MAN1A2: variants seen among roughly 807,000 people sequenced by gnomAD.
The protein encoded by MAN1A2 is mannosyl-oligosaccharide 1,2-alpha-mannosidase IB.
A neutral mutation model predicts 75.7 loss-of-function variants in MAN1A2; 26 were observed. The observed-to-expected ratio is 0.34, with a 90% CI of 0.25 to 0.48. The LOEUF is 0.48. Ranked by LOEUF, MAN1A2 falls within the 20% of genes least tolerant of loss-of-function variation. MAN1A2 has a pLI of 0.99. For synonymous variants in MAN1A2, 247 were observed against 264.6 expected (o/e 0.93, Z 0.65); for missense variants, 562 against 775.5 (o/e 0.72, Z 3.27).
rs571389921 is a variant in MAN1A2, at chr1:117,485,106, A to G, written c.1169-8041A>G. On this transcript the variant is annotated intron_variant, in intron 8 of 12. Transcript: ENST00000356554. ...CTATGTAAAATCATCTTGAATAACA[A>G]AGTGGTTATAAACTTACAAGTTCCA... 1.5e-3 allele frequency among the ~76,000 whole-genome samples: 234 copies of G among 152,122 alleles called. 3 individuals carry two copies. The highest frequency in any genetic ancestry group is 0.01 in the Middle Eastern group (3 of 294).
intron 6 of MAN1A2, among the ~76,000 whole-genome samples, chr1:117,447,089 C>G (rs1253546607): frequency 6.6e-6 from 1 of 152,034 alleles, no homozygotes; most frequent in African/African-American, 2.4e-5. Flanking sequence ...TTTATGCTTA[C>G]TGTTTTCATG....
intron 1 of MAN1A2, among the ~76,000 whole-genome samples, chr1:117,370,122 T>C (rs760573673): frequency 5.3e-5 from 8 of 152,264 alleles, no homozygotes; most frequent in Non-Finnish European, 1.2e-4. Context: ...TTCACATTTT[T>C]AACAGTCTGT....
intron 1 of MAN1A2, among the ~76,000 whole-genome samples, chr1:117,385,274 T>C (rs1325576824): frequency 6.6e-6 from 1 of 152,158 alleles, no homozygotes; most frequent in Non-Finnish European, 1.5e-5. Flanking sequence ...AGACAAGCTC[T>C]CTTCACCTGT....
intron 7 of MAN1A2, among the ~76,000 whole-genome samples, chr1:117,461,780 A>T (rs1649830653): frequency 6.6e-6 from 1 of 152,174 alleles, no homozygotes; most frequent in African/African-American, 2.4e-5. Context: ...ACAATATCAT[A>T]AAAATTTCAG....
chr1:117,491,819 C>T (rs998965350), intron 8 of MAN1A2, among the ~76,000 whole-genome samples: 3 of 151,968 alleles, frequency 2.0e-5, no homozygotes, highest in African/African-American at 7.2e-5. Flanking sequence ...TTCCAGTCCT[C>T]ATGGGTGATT....
intron 7 of MAN1A2, among the ~76,000 whole-genome samples, chr1:117,461,333 T>C (rs778798201): frequency 5.3e-5 from 8 of 152,184 alleles, no homozygotes; most frequent in Non-Finnish European, 7.4e-5. Context: ...CTCATTCATA[T>C]GTGGGAGCTA....
intron 1 of MAN1A2, among the ~76,000 whole-genome samples, chr1:117,372,147 T>C (rs1652984056): frequency 6.6e-6 from 1 of 152,130 alleles, no homozygotes; most frequent in Admixed American, 6.5e-5. Context: ...AAATAATCAC[T>C]TTGGTTGCAA....
At chr1:117,380,326 G>A (rs554184415) in intron 1 of MAN1A2, among the ~76,000 whole-genome samples, 2 of 152,178 alleles carry the variant, frequency 1.3e-5, no homozygotes, top group Admixed American at 1.3e-4. Flanking sequence ...CTTTTAAATT[G>A]GTGGTTATGT....
chr1:117,526,420 A>G lies in MAN1A2; in HGVS notation c.*3463A>G, dbSNP rs184402782. 9.9e-5 allele frequency: 15 copies of G among 151,910 alleles called. No individual in the cohort carries two copies. Among genetic ancestry groups the G allele is most frequent in the Admixed American group, 9.9e-4 (15 of 15,216 alleles). The allele number at this position is 151,910 out of a possible 1,614,324, so 9.4% of individuals were successfully genotyped here. Reference sequence around the variant, plus strand: ...AGGAAAAAGAAAAGGTTTATAATATATTTTAAAACAATGTGTTACTGTATA... The same window carrying G: ...AGGAAAAAGAAAAGGTTTATAATATGTTTTAAAACAATGTGTTACTGTATA... On this transcript the variant is annotated 3_prime_UTR_variant, in exon 13 of 13. Coordinates refer to ENST00000356554, the MANE Select transcript of MAN1A2 (RefSeq NM_006699.5).
intron 5 of MAN1A2, among the ~76,000 whole-genome samples, chr1:117,431,017 G>C (rs1262314728): frequency 7.8e-6 from 1 of 128,950 alleles, no homozygotes; most frequent in Non-Finnish European, 1.7e-5. Flanking sequence ...AGACCGGCCC[G>C]GCCAACACAG....
At chr1:117,454,197 A>T (rs1649509047) in intron 6 of MAN1A2, among the ~76,000 whole-genome samples, 1 of 152,210 alleles carries the variant, frequency 6.6e-6, no homozygotes, top group South Asian at 2.1e-4. Flanking sequence ...GTAGTCTGTA[A>T]CCAGGCCCAT....
chr1:117,421,918 T>C (rs780213682), intron 5 of MAN1A2, among the ~76,000 whole-genome samples: 2 of 152,116 alleles, frequency 1.3e-5, no homozygotes, highest in Non-Finnish European at 1.5e-5. Flanking sequence ...GGGTTTAGCG[T>C]GGAGACCATT....
chr1:117,432,202 A>G (rs887368940), intron 5 of MAN1A2, among the ~76,000 whole-genome samples: 2 of 152,266 alleles, frequency 1.3e-5, no homozygotes, highest in African/African-American at 2.4e-5. Context: ...CAATAGCAGG[A>G]GTAAATGGTA....
In MAN1A2 at chr1:117,527,304, C is replaced by T. The variant is rs1652056781; in HGVS notation, c.*4347C>T. On this transcript the variant is annotated 3_prime_UTR_variant, in exon 13 of 13. Coordinates refer to ENST00000356554, the MANE Select transcript of MAN1A2 (RefSeq NM_006699.5). ...GTAAAGAATGGGCGTAGCTATGTTC[C>T]AGGAAAACTTTATTTACAAAAGCAG... The T allele has an allele frequency of 1.3e-5, 2 of 151,826 alleles. No homozygotes were observed. The highest frequency in any genetic ancestry group is 4.8e-5 in the African/African-American group (2 of 41,370). The allele number at this position is 151,826 out of a possible 1,614,324, so 9.4% of individuals were successfully genotyped here.
intron 12 of MAN1A2, 120 bp downstream of exon 12, chr1:117,503,090 T>C: frequency 3.8e-6 from 2 of 531,352 alleles, no homozygotes; most frequent in Non-Finnish European, 6.5e-6. Flanking sequence ...TATCTTTTTA[T>C]GTAATTGGGT....
At chr1:117,411,983 GGT>G (rs1407328640) in intron 3 of MAN1A2, among the ~76,000 whole-genome samples, 1 of 151,660 alleles carries the variant, frequency 6.6e-6, no homozygotes. Context: ...AATGAGATCA[GGT>G]GTAGTTGTAT....
chr1:117,396,949 T>TA (rs1653921858), intron 1 of MAN1A2, among the ~76,000 whole-genome samples: 1 of 151,966 alleles, frequency 6.6e-6, no homozygotes. Flanking sequence ...TTTTTTTTTT[T>TA]AGTGATTGTT....
At chr1:117,522,675 T>C in intron 12 of MAN1A2, 150 bp from the exon 13 acceptor site, 1 of 660,098 alleles carries the variant, frequency 1.5e-6, no homozygotes, top group Non-Finnish European at 2.6e-6. Context: ...TGTGTTTAGA[T>C]CATTTGGGTG....
At chr1:117,492,915 C>T (rs917115087) in intron 8 of MAN1A2, among the ~76,000 whole-genome samples, 3 of 151,996 alleles carry the variant, frequency 2.0e-5, no homozygotes, top group Non-Finnish European at 2.9e-5. Context: ...GTATGTGAAG[C>T]ACCACATCCA....
Sources: gnomAD v4.1 joint callset for allele counts (sites outside exome capture counted in the v4.1 genomes callset) on GRCh38, gnomAD v4.1.1 for gene constraint, MANE v1.5 for transcripts, NCBI Gene and HGNC (gene_info 2026-07-23, HGNC 2026-07-21) for gene names.